Variants in RFX4 observed in about 807,000 individuals in gnomAD.
RFX4 encodes transcription factor RFX4.
A neutral mutation model predicts 95.0 loss-of-function variants in RFX4; 10 were observed. The observed-to-expected ratio is 0.11, with a 90% CI of 0.06 to 0.18. The LOEUF is 0.18. Ranked by LOEUF, RFX4 falls within the 10% of genes least tolerant of loss-of-function variation. RFX4 has a pLI of 1.00. For synonymous variants in RFX4, 321 were observed against 340.7 expected, an observed-to-expected ratio of 0.94 and a Z score of 0.64; for missense variants, 640 against 922.0, an observed-to-expected ratio of 0.69 and a Z score of 3.96.
chr12:106,629,491 T>G (rs2040372574), intron 2 of RFX4, among the ~76,000 whole-genome samples: 1 of 152,082 alleles, frequency 6.6e-6, no homozygotes, highest in East Asian at 1.9e-4. Flanking sequence ...TGTTTTGTTT[T>G]TGTTTTTGAG....
At position 106,687,105 on chromosome 12, in the gene RFX4, C is replaced by A. The variant is rs1218156871; in HGVS notation, c.591+8C>A. ...AGCCTGCCTGAGGAGAAGGTAACTA[C>A]AACTGAAGTGACTATTTGGGGTGGG... is the stretch of plus-strand genomic sequence containing the variant. On this transcript the variant is annotated splice_region_variant and intron_variant, in intron 6 of 17. Coordinates refer to ENST00000392842, the MANE Select transcript of RFX4 (RefSeq NM_213594.3). 1.2e-6 allele frequency: 2 copies of A among 1,610,440 alleles called. No homozygotes were observed. Among genetic ancestry groups the A allele is most frequent in the Non-Finnish European group, 1.7e-6 (2 of 1,178,124 alleles).
At chr12:106,699,801 C>G (rs1319706463) in intron 8 of RFX4, among the ~76,000 whole-genome samples, 1 of 151,998 alleles carries the variant, frequency 6.6e-6, no homozygotes, top group Non-Finnish European at 1.5e-5. Context: ...AACATAGAAA[C>G]ATAGAGGGAG....
At chr12:106,655,927 C>A (rs994436723) in intron 4 of RFX4, among the ~76,000 whole-genome samples, 1 of 152,222 alleles carries the variant, frequency 6.6e-6, no homozygotes, top group Non-Finnish European at 1.5e-5. Flanking sequence ...CATAAACAGA[C>A]ATTTGTTAGC....
At chr12:106,670,556 A>G (rs2041261015) in intron 4 of RFX4, among the ~76,000 whole-genome samples, 1 of 152,214 alleles carries the variant, frequency 6.6e-6, no homozygotes, top group Non-Finnish European at 1.5e-5. Flanking sequence ...TTGAAATTCC[A>G]CTTCTGTCTC....
chr12:106,593,119 TA>T (rs1220978854), intron 1 of RFX4, among the ~76,000 whole-genome samples: 1 of 152,190 alleles, frequency 6.6e-6, no homozygotes, highest in Non-Finnish European at 1.5e-5. Context: ...CCATAAAACA[TA>T]AAAGCATTAT....
chr12:106,616,399 T>C (rs188636727), intron 2 of RFX4, among the ~76,000 whole-genome samples: 1 of 152,316 alleles, frequency 6.6e-6, no homozygotes, highest in Admixed American at 6.5e-5. Flanking sequence ...TTGGCATCTA[T>C]GTTCATGAGA....
intron 2 of RFX4, among the ~76,000 whole-genome samples, chr12:106,625,335 G>T (rs746961422): frequency 6.6e-6 from 1 of 152,184 alleles, no homozygotes; most frequent in Non-Finnish European, 1.5e-5. Context: ...TTTTTTGATG[G>T]AATGCAGTTG....
intron 3 of RFX4, among the ~76,000 whole-genome samples, chr12:106,651,101 C>T (rs1463102931): frequency 1.3e-5 from 2 of 152,172 alleles, no homozygotes; most frequent in Non-Finnish European, 2.9e-5. Context: ...CTCCCTCCAC[C>T]TCCCATAGTT....
At chr12:106,709,470 C>G (rs368606938) in intron 9 of RFX4, 40 bp downstream of exon 9, 1 of 1,459,064 alleles carries the variant, frequency 6.9e-7, no homozygotes, top group South Asian at 1.2e-5. Flanking sequence ...GAGAGAATTA[C>G]ATTTTAGTGC....
intron 1 of RFX4, among the ~76,000 whole-genome samples, chr12:106,589,820 C>T (rs1448581103): frequency 6.6e-6 from 1 of 152,212 alleles, no homozygotes; most frequent in African/African-American, 2.4e-5. Context: ...TCCTGTGACT[C>T]CGCCTTTAAG....
At chr12:106,701,285 T>C (rs959715414) in intron 8 of RFX4, among the ~76,000 whole-genome samples, 15 of 152,166 alleles carry the variant, frequency 9.9e-5, no homozygotes, top group African/African-American at 3.6e-4. Flanking sequence ...GCCTCCACAG[T>C]TTTCTCTGTC....
intron 5 of RFX4, 100 bp from the exon 6 acceptor site, chr12:106,686,784 G>A (rs2041660616): frequency 8.7e-7 from 1 of 1,144,456 alleles, no homozygotes; most frequent in Non-Finnish European, 1.3e-6. Flanking sequence ...TTGGCCTTGG[G>A]CAACACTCCC....
intron 5 of RFX4, among the ~76,000 whole-genome samples, 180 bp from the exon 6 acceptor site, chr12:106,686,704 T>A (rs545691407): frequency 2.8e-4 from 43 of 152,316 alleles, no homozygotes; most frequent in African/African-American, 1.0e-3. Context: ...TTTAATTCTA[T>A]ATTTCAGTGA....
intron 2 of RFX4, among the ~76,000 whole-genome samples, chr12:106,621,729 C>CA (rs2040189432): frequency 6.6e-6 from 1 of 152,190 alleles, no homozygotes; most frequent in Non-Finnish European, 1.5e-5. Flanking sequence ...CTGTCATCCC[C>CA]AAACTCTCCT....
rs995418093 is a variant in RFX4, at chr12:106,647,822, G to T, written c.192-6406G>T. Among the ~76,000 whole-genome samples, 4 of 152,186 alleles carry T rather than the reference G, an allele frequency of 2.6e-5. No individual in the cohort carries two copies. The South Asian group carries it at 8.3e-4, about 32-fold the overall frequency. On this transcript the variant is annotated intron_variant, in intron 3 of 17. Coordinates refer to ENST00000392842, the MANE Select transcript of RFX4 (RefSeq NM_213594.3). ...CATGGATTCTTGTCTAGTCCTCACA[G>T]CAAGCTTGGGAGATGGTACAGTTTC...
chr12:106,673,687 A>G (rs2041334629), intron 4 of RFX4, among the ~76,000 whole-genome samples: 1 of 152,252 alleles, frequency 6.6e-6, no homozygotes, highest in African/African-American at 2.4e-5. Context: ...ATCCCAAAAC[A>G]AAGTATCCAC....
chr12:106,678,470 G>A (rs1336638581), intron 4 of RFX4, among the ~76,000 whole-genome samples: 2 of 152,024 alleles, frequency 1.3e-5, no homozygotes, highest in African/African-American at 4.8e-5. Flanking sequence ...AATGATTTAT[G>A]TTTTTAAAAA....
chr12:106,641,941 A>G (rs1397334852), intron 3 of RFX4, among the ~76,000 whole-genome samples: 2 of 149,368 alleles, frequency 1.3e-5, no homozygotes, highest in African/African-American at 5.1e-5. Flanking sequence ...ATCTATATCT[A>G]TGTCTATATC....
At chr12:106,747,723 T>A (rs1593011564) in intron 16 of RFX4, 124 bp downstream of exon 16, 1 of 1,047,996 alleles carries the variant, frequency 9.5e-7, no homozygotes, top group East Asian at 2.5e-5. Flanking sequence ...AAGTCAGGAG[T>A]TCGAGACCAG....
Sources: gnomAD v4.1 joint callset for allele counts (sites outside exome capture counted in the v4.1 genomes callset) on GRCh38, gnomAD v4.1.1 for gene constraint, MANE v1.5 for transcripts, NCBI Gene and HGNC (gene_info 2026-07-23, HGNC 2026-07-21) for gene names.